The following EPHA6 variants were observed in gnomAD, a reference collection of about 807,000 sequenced individuals.
EPHA6 encodes EPH receptor A6, also known as ephrin type-A receptor 6.
A neutral mutation model predicts 112.0 loss-of-function variants in EPHA6; 50 were observed. The ratio of observed to expected loss-of-function variants is 0.45; its 90% CI spans 0.36 to 0.56. EPHA6 has a LOEUF of 0.56. Among genes scored for constraint, EPHA6 ranks in the 20% least tolerant of loss-of-function variants. EPHA6 has a pLI of 0.00. For missense variants in EPHA6, 1,280 were observed against 1,417.4 expected, an observed-to-expected ratio of 0.90 and a Z score of 1.56; for synonymous variants, 529 against 490.7, an observed-to-expected ratio of 1.08 and a Z score of -1.03.
At chr3:96,981,912 AT>A (rs1211463304) in intron 2 of EPHA6, among the ~76,000 whole-genome samples, 1 of 152,002 alleles carries the variant, frequency 6.6e-6, no homozygotes, top group African/African-American at 2.4e-5. Flanking sequence ...CCCCTTTATC[AT>A]TTTTTATTAC....
At chr3:97,167,841 C>A (rs1234121391) in intron 3 of EPHA6, among the ~76,000 whole-genome samples, 1 of 151,744 alleles carries the variant, frequency 6.6e-6, no homozygotes, top group Non-Finnish European at 1.5e-5. Flanking sequence ...TCCAAATATT[C>A]TTAAAATAAA....
intron 2 of EPHA6, among the ~76,000 whole-genome samples, chr3:96,927,396 A>T (rs2040094486): frequency 6.6e-6 from 1 of 152,226 alleles, no homozygotes; most frequent in Non-Finnish European, 1.5e-5. Context: ...GCTCCTTGTT[A>T]CTTATGCACA....
rs718726 is a variant in EPHA6, at chr3:97,482,557, A to G, written c.2075-1377A>G. 4.1e-3 allele frequency among the ~76,000 whole-genome samples: 632 copies of G among 152,326 alleles called. 4 individuals carry two copies. The highest frequency in any genetic ancestry group is 0.014 in the African/African-American group (570 of 41,578). On this transcript the variant is annotated intron_variant, in intron 9 of 17. Transcript: ENST00000389672. The stretch of plus-strand genomic sequence containing the variant: ...AAATATTAATTTTCTCACGGTCCAT[A>G]TGCAGCACTAAGAAGACAGAAGACA...
chr3:97,495,245 C>CTA (rs1048458124), intron 10 of EPHA6, among the ~76,000 whole-genome samples: 8 of 150,450 alleles, frequency 5.3e-5, no homozygotes, highest in East Asian at 2.0e-4. Context: ...TAGGTCTACA[C>CTA]TATATATATA....
At chr3:96,828,973 G>T (rs1034528673) in intron 1 of EPHA6, among the ~76,000 whole-genome samples, 2 of 152,100 alleles carry the variant, frequency 1.3e-5, no homozygotes, top group Admixed American at 6.6e-5. Context: ...CTTATACAAA[G>T]TTGGGGTGCC....
At position 97,343,691 on chromosome 3, in the gene EPHA6, C is replaced by T. The variant is rs79981523; in HGVS notation, c.1607-61459C>T. Among the ~76,000 whole-genome samples the T allele has an allele frequency of 3.7e-3, 560 of 152,066 alleles. 2 individuals carry two copies. The highest frequency in any genetic ancestry group is 0.013 in the African/African-American group (522 of 41,464). On this transcript the variant is annotated intron_variant, in intron 5 of 17. Coordinates refer to ENST00000389672, the MANE Select transcript of EPHA6 (RefSeq NM_001080448.3). ...CTAAAGGAAACAGAGAAAGTGAGAC[C>T]AAATGAAGGAAAACTGTAAATGTAT...
chr3:97,017,601 G>A (rs2107967364), intron 3 of EPHA6, among the ~76,000 whole-genome samples: 1 of 152,012 alleles, frequency 6.6e-6, no homozygotes, highest in East Asian at 1.9e-4. Context: ...GGACTTATGG[G>A]GCAAGTGACC....
chr3:97,725,956 G>A (rs1180860981), intron 15 of EPHA6, among the ~76,000 whole-genome samples: 1 of 152,018 alleles, frequency 6.6e-6, no homozygotes, highest in Non-Finnish European at 1.5e-5. Flanking sequence ...GTATACTGAG[G>A]TTCAAAATAC....
chr3:97,573,554 C>T (rs1177522627), intron 11 of EPHA6, among the ~76,000 whole-genome samples: 1 of 151,754 alleles, frequency 6.6e-6, no homozygotes. Context: ...AGTAAGGTAA[C>T]CAGTATGATG....
At chr3:97,090,568 A>G (rs78573204) in intron 3 of EPHA6, among the ~76,000 whole-genome samples, 13,089 of 152,132 alleles carry the variant, frequency 0.086, 903 homozygotes, top group Admixed American at 0.21. Context: ...ACAGTAACTA[A>G]AAAACAAATT....
At chr3:96,878,221 T>C (rs548663554) in intron 2 of EPHA6, among the ~76,000 whole-genome samples, 1 of 152,088 alleles carries the variant, frequency 6.6e-6, no homozygotes, top group Non-Finnish European at 1.5e-5. Flanking sequence ...AGCATTATAC[T>C]AATCGTTTGG....
At chr3:97,613,414 T>C (rs535697699) in intron 13 of EPHA6, among the ~76,000 whole-genome samples, 1 of 152,246 alleles carries the variant, frequency 6.6e-6, no homozygotes, top group African/African-American at 2.4e-5. Flanking sequence ...GCAGAAATGA[T>C]TTCCCTTTGG....
intron 2 of EPHA6, among the ~76,000 whole-genome samples, chr3:96,961,363 G>A (rs1468028994): frequency 6.6e-6 from 1 of 152,308 alleles, no homozygotes; most frequent in East Asian, 1.9e-4. Flanking sequence ...CTTCTTTACA[G>A]TTTGGTTCAT....
At chr3:97,595,277 G>C (rs1358418742) in intron 12 of EPHA6, among the ~76,000 whole-genome samples, 1 of 152,154 alleles carries the variant, frequency 6.6e-6, no homozygotes, top group Non-Finnish European at 1.5e-5. Flanking sequence ...GGAAGTATTA[G>C]CTGAAAATTG....
intron 11 of EPHA6, among the ~76,000 whole-genome samples, chr3:97,543,271 A>T (rs529753179): frequency 6.6e-6 from 1 of 152,124 alleles, no homozygotes; most frequent in East Asian, 1.9e-4. Flanking sequence ...TGATTTTTGT[A>T]TAAGGTGTAA....
chr3:97,554,194 T>A (rs913322360), intron 11 of EPHA6, among the ~76,000 whole-genome samples: 1 of 152,110 alleles, frequency 6.6e-6, no homozygotes, highest in Non-Finnish European at 1.5e-5. Context: ...AAACAAAAAG[T>A]ATAAGAAGTG....
chr3:97,470,627 T>C (rs770692512), intron 7 of EPHA6, among the ~76,000 whole-genome samples: 2 of 151,506 alleles, frequency 1.3e-5, no homozygotes, highest in Non-Finnish European at 3.0e-5. Flanking sequence ...AGATATGAAA[T>C]CTCTTTTTTA....
intron 5 of EPHA6, among the ~76,000 whole-genome samples, chr3:97,272,392 C>T (rs962689269): frequency 3.3e-5 from 5 of 151,874 alleles, no homozygotes; most frequent in African/African-American, 1.2e-4. Flanking sequence ...CTAAGAAATG[C>T]AACATAAGGC....
chr3:97,243,316 C>A (rs2078900802), intron 4 of EPHA6, among the ~76,000 whole-genome samples: 1 of 151,816 alleles, frequency 6.6e-6, no homozygotes, highest in Non-Finnish European at 1.5e-5. Context: ...TTATCCCTTC[C>A]ATATCATGCT....
Sources: gnomAD v4.1 joint callset for allele counts (sites outside exome capture counted in the v4.1 genomes callset) on GRCh38, gnomAD v4.1.1 for gene constraint, MANE v1.5 for transcripts, NCBI Gene and HGNC (gene_info 2026-07-23, HGNC 2026-07-21) for gene names.